The following GCSH variants were observed in gnomAD, a reference collection of about 807,000 sequenced individuals.
GCSH encodes the protein glycine cleavage system protein H, also known as glycine cleavage system H protein, mitochondrial.
A neutral mutation model predicts 21.3 loss-of-function variants in GCSH; 15 were observed. That is an observed-to-expected ratio of 0.70 (90% CI 0.47 to 1.08). The LOEUF is 1.08. Among genes scored for constraint, GCSH ranks in the 50% least tolerant of loss-of-function variants. The pLI, the probability that GCSH is intolerant of heterozygous loss-of-function variation, is 0.00. For missense variants in GCSH, 179 were observed against 217.5 expected, an observed-to-expected ratio of 0.82 and a Z score of 1.11; for synonymous variants, 59 against 84.5, an observed-to-expected ratio of 0.70 and a Z score of 1.66.
chr16:81,086,797 G>A (rs1025773105), intron 3 of GCSH, among the ~76,000 whole-genome samples: 5 of 131,344 alleles, frequency 3.8e-5, no homozygotes, highest in Non-Finnish European at 3.4e-5. Flanking sequence ...GCAGCCAAAC[G>A]TAACACACAC....
At chr16:81,091,306 G>A (rs1191653187) in intron 1 of GCSH, 8 of 339,872 alleles carry the variant, frequency 2.4e-5, no homozygotes, top group East Asian at 8.0e-5. Context: ...CACTACCATC[G>A]CTTAAAGAAG....
At chr16:81,091,282 A>C (rs1233390624) in intron 1 of GCSH, 1 of 355,124 alleles carries the variant, frequency 2.8e-6, no homozygotes, top group Non-Finnish European at 5.4e-6. Context: ...ATTCAAGCCT[A>C]ACCTTGAAGA....
Position 81,082,760 on chromosome 16 carries a change from T to C in GCSH, c.*106A>G, listed in dbSNP as rs1972194292. 5 of 656,448 alleles carry C rather than the reference T, an allele frequency of 7.6e-6. No individual in the cohort carries two copies. The highest frequency in any genetic ancestry group is 1.4e-5 in the Non-Finnish European group (5 of 362,494). The allele number at this position is 656,448 out of a possible 1,614,324, so 40.7% of individuals were successfully genotyped here. ...GTTAACAGTAGTTTTTTTTTCCCCATCGGTAATACTAAAAGTTTCTATTCT... is the reference window on the plus strand; with the variant it reads ...GTTAACAGTAGTTTTTTTTTCCCCACCGGTAATACTAAAAGTTTCTATTCT... On this transcript the variant is annotated 3_prime_UTR_variant, in exon 5 of 5. Transcript: ENST00000315467.
At chr16:81,091,275 C>G (rs1972392122) in intron 1 of GCSH, 2 of 356,992 alleles carry the variant, frequency 5.6e-6, no homozygotes, top group South Asian at 2.2e-5. Flanking sequence ...TAATCAAATT[C>G]AAGCCTAACC....
rs190237263 is a variant in GCSH at position 81,096,378 on chromosome 16, T to C, written c.-100A>G. ...TCGCGGCCGGAGGGAGCCGGCTGGA[T>C]GGAGGCGCGGAGGCGGTGCCGCGGG... On this transcript the variant is annotated 5_prime_UTR_variant, in exon 1 of 5. Transcript: ENST00000315467. 1.9e-6 allele frequency: 2 copies of C among 1,041,502 alleles called. No individual in the cohort carries two copies. The highest frequency in any genetic ancestry group is 2.5e-6 in the Non-Finnish European group (2 of 787,884). The allele number at this position is 1,041,502 out of a possible 1,614,324, so 64.5% of individuals were successfully genotyped here. A position where few individuals can be genotyped will look rare whatever the true frequency, so the allele number is the denominator to read the frequency against.
chr16:81,084,711 C>CTT lies in GCSH; in HGVS notation c.293-119_293-118dup, dbSNP rs35385687. 593 of 570,426 alleles carry CTT rather than the reference C, an allele frequency of 1.0e-3. 2 individuals are homozygous for CTT. The highest frequency in any genetic ancestry group is 7.1e-3 in the African/African-American group (334 of 47,354). 35.3% of individuals were successfully genotyped at this position (570,426 alleles called of 1,614,324 possible). A position where few individuals can be genotyped will look rare whatever the true frequency, so the allele number is the denominator to read the frequency against. ...GCTATGATTTTAAAATTCCAAATTT[C>CTT]TTTTTTTTTTTTTTTTGAGATGGAG... On this transcript the variant is annotated intron_variant, in intron 3 of 4. Coordinates refer to ENST00000315467, the MANE Select transcript of GCSH (RefSeq NM_004483.5).
chr16:81,092,315 G>A (rs1325061948), intron 1 of GCSH, among the ~76,000 whole-genome samples: 2 of 54,408 alleles, frequency 3.7e-5, no homozygotes. Flanking sequence ...CCAGGAAGTA[G>A]GCTGTGTACC....
chr16:81,084,292 A>G lies in GCSH; in HGVS notation c.424+171T>C, dbSNP rs576097010. 8 of 682,422 alleles carry G rather than the reference A, an allele frequency of 1.2e-5. No individual in the cohort carries two copies. The Admixed American group carries it at 1.5e-4, about 13-fold the overall frequency. The allele number at this position is 682,422 out of a possible 1,614,324, so 42.3% of individuals were successfully genotyped here. On this transcript the variant is annotated intron_variant, in intron 4 of 4. Transcript: ENST00000315467. ...CTGCGCCTAGCCAGAAATCTTAAAC[A>G]TAACTTTAAGTATTCAACTAACCTC...
At chr16:81,094,798 G>T (rs1452402534) in intron 1 of GCSH, among the ~76,000 whole-genome samples, 2 of 152,126 alleles carry the variant, frequency 1.3e-5, no homozygotes, top group Non-Finnish European at 2.9e-5. Context: ...AAACATTTGG[G>T]CGTAAAGAAA....
rs1414743612 is a variant in GCSH at position 81,082,678 on chromosome 16, T to A, written c.*188A>T. 1 of 504,764 alleles carries A rather than the reference T, an allele frequency of 2.0e-6. No homozygotes were observed. The highest frequency in any genetic ancestry group is 3.4e-6 in the Non-Finnish European group (1 of 290,126). The allele number at this position is 504,764 out of a possible 1,614,324, so 31.3% of individuals were successfully genotyped here. A position where few individuals can be genotyped will look rare whatever the true frequency, so the allele number is the denominator to read the frequency against. On this transcript the variant is annotated 3_prime_UTR_variant, in exon 5 of 5. Coordinates refer to ENST00000315467, the MANE Select transcript of GCSH (RefSeq NM_004483.5). The stretch of plus-strand genomic sequence containing the variant: ...CATAGGATATTGTGAAAAAGACGCA[T>A]ATTATATTTATCTATAATCATTAGA...
At position 81,082,045 on chromosome 16, in the gene GCSH, T is replaced by A. The variant is rs150367962; in HGVS notation, c.*821A>T. The stretch of plus-strand genomic sequence containing the variant: ...AACTTAAAAACACCATGTGCTATAC[T>A]GATCAAAACTTCCACCTTCCTCTGT... On this transcript the variant is annotated 3_prime_UTR_variant, in exon 5 of 5. Coordinates refer to ENST00000315467, the MANE Select transcript of GCSH (RefSeq NM_004483.5). 510 of 454,172 alleles carry A rather than the reference T, an allele frequency of 1.1e-3. No homozygotes were observed. Among genetic ancestry groups the A allele is most frequent in the African/African-American group, 7.9e-3 (396 of 50,146 alleles). 28.1% of individuals were successfully genotyped at this position (454,172 alleles called of 1,614,324 possible).
intron 3 of GCSH, 64 bp downstream of exon 3, chr16:81,087,537 A>T: frequency 8.7e-7 from 1 of 1,147,636 alleles, no homozygotes. Context: ...GGTACAAACA[A>T]ATTACTATTC....
Position 81,082,120 on chromosome 16 carries a change from GATTT to G in GCSH, c.*742_*745del, listed in dbSNP as rs917549139. The G allele has an allele frequency of 2.3e-4, 106 of 454,040 alleles. No homozygotes were observed. Among genetic ancestry groups the G allele is most frequent in the African/African-American group, 4.6e-4 (23 of 50,104 alleles). The allele number at this position is 454,040 out of a possible 1,614,324, so 28.1% of individuals were successfully genotyped here. On this transcript the variant is annotated 3_prime_UTR_variant, in exon 5 of 5. Transcript: ENST00000315467. ...CGCATGATAGAAAATCAAAGTTGGT[GATTT>G]ATTTTTTATTATGTTAAAGGTGACA...
intron 1 of GCSH, among the ~76,000 whole-genome samples, chr16:81,092,867 C>T (rs1972424086): frequency 6.6e-6 from 1 of 151,970 alleles, no homozygotes; most frequent in African/African-American, 2.4e-5. Context: ...CACAGTGGCT[C>T]ATGCCTGCAA....
chr16:81,089,730 G>T (rs8177880), intron 2 of GCSH, among the ~76,000 whole-genome samples: 145,134 of 152,252 alleles, frequency 0.95, 69,555 homozygotes, highest in Middle Eastern at 1. Flanking sequence ...AACACGCTAG[G>T]ATTTGGCTTC....
Position 81,084,391 on chromosome 16 carries a change from A to C in GCSH, c.424+72T>G, listed in dbSNP as rs752278845. On this transcript the variant is annotated intron_variant, in intron 4 of 4. Coordinates refer to ENST00000315467, the MANE Select transcript of GCSH (RefSeq NM_004483.5). ...AAAAGATGAAGTCACAATCAGCTAA[A>C]CTTGCTTTAAATTCTAGATAAAATA... is the stretch of plus-strand genomic sequence containing the variant. 13 of 1,179,400 alleles carry C rather than the reference A, an allele frequency of 1.1e-5. No homozygotes were observed. The East Asian group carries it at 2.8e-4, about 25-fold the overall frequency. 73.1% of individuals were successfully genotyped at this position (1,179,400 alleles called of 1,614,324 possible).
At chr16:81,085,618 C>T (rs188610508) in intron 3 of GCSH, among the ~76,000 whole-genome samples, 43 of 152,320 alleles carry the variant, frequency 2.8e-4, no homozygotes, top group African/African-American at 1.0e-3. Flanking sequence ...CCTGTAATTC[C>T]AGCACTTTGG....
chr16:81,084,681 A>T (rs1294377384), intron 3 of GCSH, 87 bp from the exon 4 acceptor site: 2 of 958,498 alleles, frequency 2.1e-6, no homozygotes, highest in Non-Finnish European at 3.2e-6. Flanking sequence ...GATTCCTGTC[A>T]TACAGCTATG....
rs561123581 is a variant in GCSH, at chr16:81,096,304, C to G, written c.-26G>C. 3.0e-6 allele frequency: 4 copies of G among 1,354,822 alleles called. No individual in the cohort carries two copies. The South Asian group carries it at 5.3e-5, about 18-fold the overall frequency. 83.9% of individuals were successfully genotyped at this position (1,354,822 alleles called of 1,614,324 possible). ...GTTCGCAGGGGTGCGGGGGTCGCAG[C>G]GCTACGCCTCGGCCACCCGCGCCGG... On this transcript the variant is annotated 5_prime_UTR_variant, in exon 1 of 5. Coordinates refer to ENST00000315467, the MANE Select transcript of GCSH (RefSeq NM_004483.5).
Sources: gnomAD v4.1 joint callset for allele counts (sites outside exome capture counted in the v4.1 genomes callset) on GRCh38, gnomAD v4.1.1 for gene constraint, MANE v1.5 for transcripts, NCBI Gene and HGNC (gene_info 2026-07-23, HGNC 2026-07-21) for gene names.